The following NRCAM variants were observed in gnomAD, a reference collection of about 807,000 sequenced individuals.
NRCAM encodes NgCAM-related cell adhesion molecule.
In NRCAM, 83 loss-of-function variants were observed where a neutral mutation model predicts 156.5. That is an observed-to-expected ratio of 0.53 (90% CI 0.44 to 0.64). NRCAM has a LOEUF of 0.64. Among genes scored for constraint, NRCAM ranks in the 30% least tolerant of loss-of-function variants. The pLI, the probability that NRCAM is intolerant of heterozygous loss-of-function variation, is 0.00. For synonymous variants in NRCAM, 538 were observed against 563.9 expected (o/e 0.95, Z 0.65); for missense variants, 1,417 against 1,597.3 (o/e 0.89, Z 1.92).
In NRCAM at chr7:108,216,975, C is replaced by T. The variant is rs187636811; in HGVS notation, c.890+6750G>A. On this transcript the variant is annotated intron_variant, in intron 11 of 32. Coordinates refer to ENST00000379028, the MANE Select transcript of NRCAM (RefSeq NM_001037132.4). ...TCCCTTGCTGGTGAGTAGTTGTGAT[C>T]CTTTGGAGGAGAAGAGGCATTCTCG... Among the ~76,000 whole-genome samples the T allele has an allele frequency of 9.9e-5, 15 of 152,230 alleles. No homozygotes were observed. The East Asian group carries it at 2.9e-3, about 29-fold the overall frequency.
intron 3 of NRCAM, among the ~76,000 whole-genome samples, chr7:108,279,197 T>C (rs942476833): frequency 6.6e-6 from 1 of 152,216 alleles, no homozygotes; most frequent in Non-Finnish European, 1.5e-5. Context: ...CGCTGGAAAG[T>C]CTCTGATTAC....
intron 3 of NRCAM, among the ~76,000 whole-genome samples, chr7:108,265,035 C>T (rs2097041674): frequency 6.6e-6 from 1 of 152,134 alleles, no homozygotes; most frequent in South Asian, 2.1e-4. Flanking sequence ...GCAATGGTGG[C>T]ACCTGTGGAA....
intron 1 of NRCAM, among the ~76,000 whole-genome samples, chr7:108,410,031 AAAG>A (rs1294044221): frequency 7.2e-5 from 11 of 152,322 alleles, no homozygotes; most frequent in South Asian, 4.1e-4. Flanking sequence ...ATCATTACAA[AAAG>A]AAGAACCCTG....
intron 30 of NRCAM, 39 bp downstream of exon 30, chr7:108,166,882 T>C: frequency 6.2e-7 from 1 of 1,603,998 alleles, no homozygotes; most frequent in East Asian, 2.2e-5. Flanking sequence ...GGCCTCCACC[T>C]CTGAGCGGGA....
At chr7:108,177,263 T>C (rs2060894316) in intron 26 of NRCAM, among the ~76,000 whole-genome samples, 1 of 151,952 alleles carries the variant, frequency 6.6e-6, no homozygotes, top group Non-Finnish European at 1.5e-5. Flanking sequence ...GTCACAGAAG[T>C]AAAAAGTAGA....
intron 2 of NRCAM, among the ~76,000 whole-genome samples, chr7:108,325,272 T>G (rs1467615894): frequency 6.6e-6 from 1 of 152,134 alleles, no homozygotes; most frequent in East Asian, 1.9e-4. Context: ...ACTCATGACT[T>G]GGGTCATCTT....
intron 11 of NRCAM, among the ~76,000 whole-genome samples, chr7:108,218,519 CA>C (rs1240230814): frequency 6.6e-6 from 1 of 152,072 alleles, no homozygotes; most frequent in African/African-American, 2.4e-5. Flanking sequence ...TCTCTCAGAC[CA>C]CAGTGGAATA....
At chr7:108,270,585 T>TA (rs1038754304) in intron 3 of NRCAM, among the ~76,000 whole-genome samples, 1 of 152,164 alleles carries the variant, frequency 6.6e-6, no homozygotes, top group African/African-American at 2.4e-5. Context: ...GGTCTACACT[T>TA]ACGTCCATAG....
intron 3 of NRCAM, among the ~76,000 whole-genome samples, chr7:108,304,279 G>C (rs147980418): frequency 1.5e-3 from 232 of 152,042 alleles, no homozygotes; most frequent in Admixed American, 4.7e-3. Flanking sequence ...GTCCAAACCA[G>C]TCATAAACCT....
At chr7:108,256,119 G>A (rs1289318403) in intron 3 of NRCAM, among the ~76,000 whole-genome samples, 1 of 152,196 alleles carries the variant, frequency 6.6e-6, no homozygotes, top group Non-Finnish European at 1.5e-5. Context: ...CCCCGTCTGG[G>A]AGGTGTACCC....
At chr7:108,325,504 T>C (rs552160810) in intron 2 of NRCAM, among the ~76,000 whole-genome samples, 9 of 152,252 alleles carry the variant, frequency 5.9e-5, no homozygotes, top group East Asian at 1.9e-4. Flanking sequence ...TCTACGTTGC[T>C]TTCCCCCTCA....
chr7:108,436,271 G>A (rs533265664), intron 1 of NRCAM, among the ~76,000 whole-genome samples: 12 of 152,320 alleles, frequency 7.9e-5, no homozygotes, highest in African/African-American at 2.9e-4. Flanking sequence ...CAGTTGCAAA[G>A]TGTGAGTTTT....
rs763201839 is a variant in NRCAM at position 108,240,027 on chromosome 7, G to C, written c.38C>G (p.Ser13Cys). 4 of 1,613,350 alleles carry C rather than the reference G, an allele frequency of 2.5e-6. No homozygotes were observed. In the South Asian group the frequency reaches 4.4e-5, roughly 18 times the overall value. ...LKIMPKKKRL[S>C]AGRVPLILFL... Reference sequence around the variant, plus strand: ...GAGAATCAGGGGCACTCTGCCCGCAGATAAGCGCTTCTTTTTCGGCATTAT... The same window carrying C: ...GAGAATCAGGGGCACTCTGCCCGCACATAAGCGCTTCTTTTTCGGCATTAT... Residue 13 changes from serine (S) to cysteine (C), a missense_variant, in exon 4 of 33, where the codon TCT (serine) becomes TGT (cysteine). This residue lies in a region of NRCAM where 1,238 missense variants were observed against 1,336.4 expected (regional missense o/e 0.93). Coordinates refer to ENST00000379028, the MANE Select transcript of NRCAM (RefSeq NM_001037132.4).
At chr7:108,209,970 A>G (rs2083184456) in intron 11 of NRCAM, among the ~76,000 whole-genome samples, 1 of 152,190 alleles carries the variant, frequency 6.6e-6, no homozygotes, top group Non-Finnish European at 1.5e-5. Context: ...TATTATATTA[A>G]TGATACTGAA....
chr7:108,310,607 G>A (rs978463506), intron 3 of NRCAM, among the ~76,000 whole-genome samples: 5 of 152,090 alleles, frequency 3.3e-5, no homozygotes, highest in African/African-American at 9.7e-5. Context: ...AAGTAGCTAC[G>A]AAAAAAACTT....
intron 2 of NRCAM, among the ~76,000 whole-genome samples, chr7:108,375,565 A>C (rs1388842277): frequency 2.0e-5 from 3 of 152,148 alleles, no homozygotes; most frequent in African/African-American, 4.8e-5. Context: ...TCATTCTAAC[A>C]TAAGCACTGC....
chr7:108,251,452 C>G (rs146217293), intron 3 of NRCAM, among the ~76,000 whole-genome samples: 3 of 152,212 alleles, frequency 2.0e-5, no homozygotes, highest in African/African-American at 7.2e-5. Context: ...TGTCTCAGGT[C>G]TGCCTTCCTA....
At chr7:108,274,949 G>A (rs1025318994) in intron 3 of NRCAM, among the ~76,000 whole-genome samples, 3 of 152,144 alleles carry the variant, frequency 2.0e-5, no homozygotes, top group East Asian at 1.9e-4. Context: ...TAGCATGAAA[G>A]GCTGTTGGAT....
chr7:108,397,675 A>G (rs1248071367), intron 2 of NRCAM, among the ~76,000 whole-genome samples: 3 of 152,226 alleles, frequency 2.0e-5, no homozygotes, highest in Non-Finnish European at 4.4e-5. Context: ...ACAAAAAATC[A>G]TGATTGATAC....
Sources: allele counts gnomAD v4.1 joint callset (sites outside exome capture counted in the v4.1 genomes callset), GRCh38; gene constraint gnomAD v4.1.1; regional missense constraint gnomAD v4.1.1; transcripts MANE v1.5; gene names NCBI Gene and HGNC (gene_info 2026-07-23, HGNC 2026-07-21).